The following ARHGAP24 variants were observed in gnomAD, a reference collection of about 807,000 sequenced individuals.
The protein encoded by ARHGAP24 is rho GTPase-activating protein 24.
ARHGAP24 carries 50 observed loss-of-function variants against 76.4 expected under a neutral mutation model. That is an observed-to-expected ratio of 0.65 (90% confidence interval 0.52 to 0.83). The LOEUF (loss-of-function observed/expected upper bound fraction) is 0.83. ARHGAP24 is among the 40% of genes least tolerant of loss of function. ARHGAP24 has a pLI of 0.00. For synonymous variants in ARHGAP24, 345 were observed against 323.3 expected (o/e 1.07, Z -0.72); for missense variants, 930 against 914.2 (o/e 1.02, Z -0.22).
intron 2 of ARHGAP24, among the ~76,000 whole-genome samples, chr4:85,572,485 T>C (rs1425757226): frequency 6.6e-6 from 1 of 152,214 alleles, no homozygotes; most frequent in Non-Finnish European, 1.5e-5. Context: ...TTGGATCCAC[T>C]GTATCTTCAT....
chr4:85,923,474 C>T (rs564770357), intron 3 of ARHGAP24, among the ~76,000 whole-genome samples, 174 bp from the exon 4 acceptor site: 1 of 152,278 alleles, frequency 6.6e-6, no homozygotes, highest in African/African-American at 2.4e-5. Flanking sequence ...ATAACAGTCT[C>T]TCCTTTTTAA....
chr4:85,555,173 C>G (rs766075730), intron 1 of ARHGAP24, among the ~76,000 whole-genome samples: 1 of 152,130 alleles, frequency 6.6e-6, no homozygotes, highest in Non-Finnish European at 1.5e-5. Flanking sequence ...GAAACTAGTG[C>G]AGTTGTTGAG....
intron 3 of ARHGAP24, among the ~76,000 whole-genome samples, chr4:85,731,202 A>G (rs933000510): frequency 6.6e-6 from 1 of 151,870 alleles, no homozygotes; most frequent in Non-Finnish European, 1.5e-5. Context: ...TAGGTTTATT[A>G]TCTACACTAC....
At chr4:85,901,732 T>A (rs1339700168) in intron 3 of ARHGAP24, among the ~76,000 whole-genome samples, 1 of 152,188 alleles carries the variant, frequency 6.6e-6, no homozygotes, top group African/African-American at 2.4e-5. Flanking sequence ...TTATTTGCCA[T>A]ACAGAAAGTA....
Position 86,002,115 on chromosome 4 carries a change from G to A in ARHGAP24, c.*1393G>A, listed in dbSNP as rs1741055605. On this transcript the variant is annotated 3_prime_UTR_variant, in exon 10 of 10. Coordinates refer to ENST00000395184, the MANE Select transcript of ARHGAP24 (RefSeq NM_001025616.3). ...CAGGCAAATAATCTTTCTCACCGTAGAACAAAAAGTTACAAAAGGCATAAT... is the reference window on the plus strand; with the variant it reads ...CAGGCAAATAATCTTTCTCACCGTAAAACAAAAAGTTACAAAAGGCATAAT... 6.6e-6 allele frequency: 1 copy of A among 152,124 alleles called. No homozygotes were observed. 9.4% of individuals were successfully genotyped at this position (152,124 alleles called of 1,614,324 possible). A position where few individuals can be genotyped will look rare whatever the true frequency, so the allele number is the denominator to read the frequency against.
intron 3 of ARHGAP24, among the ~76,000 whole-genome samples, chr4:85,725,992 A>G (rs1293714661): frequency 6.6e-6 from 1 of 152,134 alleles, no homozygotes; most frequent in South Asian, 2.1e-4. Flanking sequence ...ATTTACCAGC[A>G]ATACTCTTGT....
At chr4:85,846,589 C>T (rs1197842489) in intron 3 of ARHGAP24, among the ~76,000 whole-genome samples, 2 of 152,182 alleles carry the variant, frequency 1.3e-5, no homozygotes, top group Non-Finnish European at 2.9e-5. Context: ...TTAATTCTCA[C>T]CTAATGGTGA....
chr4:85,921,216 A>G (rs938670193), intron 3 of ARHGAP24, among the ~76,000 whole-genome samples: 1 of 152,094 alleles, frequency 6.6e-6, no homozygotes, highest in African/African-American at 2.4e-5. Flanking sequence ...AAAGAACAAG[A>G]TCATGTTCTT....
intron 5 of ARHGAP24, among the ~76,000 whole-genome samples, chr4:85,963,293 G>A (rs747333313): frequency 6.6e-6 from 1 of 152,004 alleles, no homozygotes; most frequent in Non-Finnish European, 1.5e-5. Flanking sequence ...TGTATTGTGT[G>A]CATTTGAATG....
intron 1 of ARHGAP24, among the ~76,000 whole-genome samples, chr4:85,520,475 G>T (rs1211982151): frequency 6.6e-6 from 1 of 152,124 alleles, no homozygotes; most frequent in Non-Finnish European, 1.5e-5. Flanking sequence ...CTGTTGTGTG[G>T]CCCTCAGTAA....
intron 2 of ARHGAP24, among the ~76,000 whole-genome samples, chr4:85,658,181 C>T (rs375592426): frequency 6.6e-6 from 1 of 152,114 alleles, no homozygotes; most frequent in East Asian, 1.9e-4. Flanking sequence ...AATAAAGTAT[C>T]TATAAACTAC....
intron 2 of ARHGAP24, among the ~76,000 whole-genome samples, chr4:85,677,067 A>G (rs1039917540): frequency 3.3e-5 from 5 of 152,198 alleles, no homozygotes; most frequent in Non-Finnish European, 7.3e-5. Context: ...GATTTCGTAC[A>G]GGCTTTTATA....
In ARHGAP24 at chr4:85,704,977, A is replaced by AAGT. The variant is rs546303711; in HGVS notation, c.181-16906_181-16905insTAG. On this transcript the variant is annotated intron_variant, in intron 2 of 9. Transcript: ENST00000395184. ...AATGGAATCACTTAGGAAAGTAGAA[A>AAGT]AGATGAGAGTTTCCTTTAGATTTTG... Among the ~76,000 whole-genome samples the AAGT allele has an allele frequency of 9.9e-5, 15 of 152,184 alleles. No homozygotes were observed. In the East Asian group the frequency reaches 2.9e-3, roughly 29 times the overall value.
intron 2 of ARHGAP24, among the ~76,000 whole-genome samples, chr4:85,602,849 C>T (rs1720079029): frequency 6.6e-6 from 1 of 152,122 alleles, no homozygotes. Flanking sequence ...AAAGCAATTT[C>T]AGTTTGGATT....
intron 4 of ARHGAP24, among the ~76,000 whole-genome samples, chr4:85,939,361 G>A (rs530301693): frequency 6.6e-6 from 1 of 152,278 alleles, no homozygotes; most frequent in African/African-American, 2.4e-5. Flanking sequence ...TCAGGAATAA[G>A]CAAAGATTTT....
intron 5 of ARHGAP24, among the ~76,000 whole-genome samples, chr4:85,966,682 T>C (rs1378389670): frequency 6.6e-6 from 1 of 152,142 alleles, no homozygotes; most frequent in Non-Finnish European, 1.5e-5. Context: ...GCAAGACCAT[T>C]TCGTGGTAGC....
chr4:85,805,788 T>C (rs950916119), intron 3 of ARHGAP24, among the ~76,000 whole-genome samples: 3 of 152,220 alleles, frequency 2.0e-5, no homozygotes, highest in Non-Finnish European at 4.4e-5. Flanking sequence ...TGATCAACTT[T>C]GAGCTTCAAG....
intron 2 of ARHGAP24, among the ~76,000 whole-genome samples, chr4:85,666,467 G>A (rs2109997455): frequency 6.6e-6 from 1 of 152,244 alleles, no homozygotes; most frequent in East Asian, 1.9e-4. Context: ...GAGTAATTTT[G>A]ATCGTCTGAA....
chr4:85,588,833 A>G (rs1291429959), intron 2 of ARHGAP24, among the ~76,000 whole-genome samples: 1 of 152,242 alleles, frequency 6.6e-6, no homozygotes, highest in Non-Finnish European at 1.5e-5. Flanking sequence ...TAGGAAGAGT[A>G]TGAAGACAGT....
Sources: allele counts gnomAD v4.1 joint callset (sites outside exome capture counted in the v4.1 genomes callset), GRCh38; gene constraint gnomAD v4.1.1; transcripts MANE v1.5; gene names NCBI Gene and HGNC (gene_info 2026-07-23, HGNC 2026-07-21).